FAM162B: variants seen among roughly 807,000 people sequenced by gnomAD.
FAM162B encodes protein FAM162B.
FAM162B carries 16 observed loss-of-function variants against 20.0 expected under a neutral mutation model. The observed-to-expected ratio is 0.80, with a 90% confidence interval of 0.54 to 1.21. The LOEUF (loss-of-function observed/expected upper bound fraction) is 1.21. FAM162B is among the 50% of genes most tolerant of loss of function. FAM162B has a pLI of 0.00. For synonymous variants in FAM162B, 83 were observed against 89.7 expected, an observed-to-expected ratio of 0.93 and a Z score of 0.42; for missense variants, 260 against 227.5, an observed-to-expected ratio of 1.14 and a Z score of -0.92.
At chr6:116,764,232 G>A (rs1771859773) in intron 2 of FAM162B, among the ~76,000 whole-genome samples, 1 of 151,992 alleles carries the variant, frequency 6.6e-6, no homozygotes, top group Admixed American at 6.6e-5. Context: ...ATTCTAATAG[G>A]CATTCATTAC....
At chr6:116,763,598 C>G (rs590572) in intron 2 of FAM162B, among the ~76,000 whole-genome samples, 1 of 151,788 alleles carries the variant, frequency 6.6e-6, no homozygotes, top group Non-Finnish European at 1.5e-5. Context: ...GGGGAAATTA[C>G]ATTATTTCTG....
intron 3 of FAM162B, among the ~76,000 whole-genome samples, chr6:116,753,257 A>C (rs1408712910): frequency 2.0e-5 from 3 of 152,100 alleles, no homozygotes; most frequent in Admixed American, 6.6e-5. Context: ...CCCCAAATTT[A>C]CCTGAACTTG....
At chr6:116,754,322 T>C (rs745696450) in intron 3 of FAM162B, among the ~76,000 whole-genome samples, 4 of 152,158 alleles carry the variant, frequency 2.6e-5, no homozygotes, top group Non-Finnish European at 5.9e-5. Context: ...GATTCAGCAC[T>C]GATTCGGCAG....
chr6:116,761,672 T>G (rs1386173261), intron 3 of FAM162B, among the ~76,000 whole-genome samples: 2 of 106,808 alleles, frequency 1.9e-5, no homozygotes, highest in African/African-American at 3.9e-5. Flanking sequence ...ATATATATAC[T>G]TATATATACA....
rs142664066 is a variant in FAM162B, at chr6:116,753,166, C to T, written c.391-471G>A. On this transcript the variant is annotated intron_variant, in intron 3 of 3. Transcript: ENST00000368557. ...CACCTACTTGCTAAAGTCAAAAAAACCCAGGCCTTTTCACTTCTTTATTCC... is the reference window on the plus strand; with the variant it reads ...CACCTACTTGCTAAAGTCAAAAAAATCCAGGCCTTTTCACTTCTTTATTCC... Among the ~76,000 whole-genome samples, 975 of 152,148 alleles carry T rather than the reference C, an allele frequency of 6.4e-3. 4 individuals are homozygous for T. The highest frequency in any genetic ancestry group is 0.016 in the South Asian group (75 of 4,816).
chr6:116,753,913 T>C (rs1428466028), intron 3 of FAM162B, among the ~76,000 whole-genome samples: 1 of 152,174 alleles, frequency 6.6e-6, no homozygotes, highest in African/African-American at 2.4e-5. Context: ...GTGAGTGTGG[T>C]ACCACGGAAA....
intron 1 of FAM162B, 70 bp downstream of exon 1, chr6:116,765,335 G>C (rs891371710): frequency 7.8e-6 from 12 of 1,546,404 alleles, no homozygotes; most frequent in Non-Finnish European, 8.7e-6. Flanking sequence ...GCCGACTCCC[G>C]GGCCGGCCCC....
Position 116,765,717 on chromosome 6 carries a change from C to G in FAM162B, c.-141G>C, listed in dbSNP as rs537654843. 152 of 990,262 alleles carry G rather than the reference C, an allele frequency of 1.5e-4. No homozygotes were observed. In the African/African-American group the frequency reaches 2.4e-3, roughly 16 times the overall value. 61.3% of individuals were successfully genotyped at this position (990,262 alleles called of 1,614,324 possible). On this transcript the variant is annotated 5_prime_UTR_variant, in exon 1 of 4. Transcript: ENST00000368557. ...AGCTGGAACCCCTGGCGCTCGCACA[C>G]TCAGCTCGCTATCCCCGTCTCCGCC... is the stretch of plus-strand genomic sequence containing the variant.
chr6:116,759,584 G>C (rs1273955324), intron 3 of FAM162B, among the ~76,000 whole-genome samples: 1 of 152,084 alleles, frequency 6.6e-6, no homozygotes, highest in Non-Finnish European at 1.5e-5. Context: ...TGGGATTACA[G>C]GCGTGAGCCA....
At chr6:116,763,972 A>G (rs749751109) in intron 2 of FAM162B, among the ~76,000 whole-genome samples, 2 of 152,174 alleles carry the variant, frequency 1.3e-5, no homozygotes, top group Non-Finnish European at 2.9e-5. Flanking sequence ...TTGAATAAAT[A>G]CTGAAAACGG....
intron 3 of FAM162B, among the ~76,000 whole-genome samples, chr6:116,761,507 T>C (rs909039436): frequency 5.3e-5 from 8 of 151,830 alleles, no homozygotes; most frequent in African/African-American, 1.2e-4. Context: ...ACGGTGTAAA[T>C]TGTTTTGTTT....
chr6:116,759,101 A>C (rs1031599366), intron 3 of FAM162B, among the ~76,000 whole-genome samples: 3 of 152,078 alleles, frequency 2.0e-5, no homozygotes, highest in Admixed American at 1.3e-4. Context: ...GACTTAGAGA[A>C]GTTCGCTCTC....
chr6:116,763,056 A>T (rs1406170355), intron 2 of FAM162B, among the ~76,000 whole-genome samples: 1 of 152,072 alleles, frequency 6.6e-6, no homozygotes, highest in South Asian at 2.1e-4. Flanking sequence ...TAAATTTTCC[A>T]CTGGTTAAAA....
At chr6:116,756,079 T>A (rs1780047889) in intron 3 of FAM162B, among the ~76,000 whole-genome samples, 2 of 152,184 alleles carry the variant, frequency 1.3e-5, no homozygotes, top group Non-Finnish European at 1.5e-5. Context: ...TCTTGTTATT[T>A]AAGAAACACA....
In FAM162B at chr6:116,765,451, G is replaced by C; in HGVS notation, c.126C>G (p.Cys42Trp). 6.9e-7 allele frequency: 1 copy of C among 1,443,654 alleles called. No homozygotes were observed. The highest frequency in any genetic ancestry group is 1.5e-5 in the African/African-American group (1 of 68,842). 89.4% of individuals were successfully genotyped at this position (1,443,654 alleles called of 1,614,324 possible). A position where few individuals can be genotyped will look rare whatever the true frequency, so the allele number is the denominator to read the frequency against. The stretch of plus-strand genomic sequence containing the variant: ...TGCTGGGGGCCCCGCCGCTGGAGTA[G>C]CAGGGGAGACCCCGGGGCGGAAGAG... ...APALPPRGLP[C>W]YSSGGAPSNS... Residue 42 changes from cysteine to tryptophan, a missense_variant, in exon 1 of 4, where the codon TGC becomes TGG. Transcript: ENST00000368557.
chr6:116,752,671 T>C lies in FAM162B; in HGVS notation c.415A>G (p.Thr139Ala), dbSNP rs779808676. The C allele has an allele frequency of 6.3e-7, 1 of 1,583,466 alleles. No homozygotes were observed. The change falls in exon 4 of 4, where the codon ACA (threonine) becomes GCA (alanine). Residue 139 changes from threonine (T) to alanine (A), a missense_variant. Thr to Ala is a moderately conservative substitution (Grantham distance 58). Coordinates refer to ENST00000368557, the MANE Select transcript of FAM162B (RefSeq NM_001085480.3). The part of the protein sequence containing the change: ...KRAVERHESL[T>A]SWNLAKKAKW... ...GCTTTCTTTGCCAAGTTCCAACTTG[T>C]TAAGGATTCATGTCGTTCTACAGCC... is the stretch of plus-strand genomic sequence containing the variant.
intron 3 of FAM162B, among the ~76,000 whole-genome samples, chr6:116,760,669 A>G (rs1780129919): frequency 6.6e-6 from 1 of 152,244 alleles, no homozygotes; most frequent in African/African-American, 2.4e-5. Flanking sequence ...TAAAAACAAA[A>G]TATTATCAAA....
At chr6:116,761,670 ACT>A (rs1282634245) in intron 3 of FAM162B, among the ~76,000 whole-genome samples, 2 of 140,556 alleles carry the variant, frequency 1.4e-5, no homozygotes, top group African/African-American at 2.6e-5. Flanking sequence ...TTATATATAT[ACT>A]TATATATACA....
chr6:116,761,413 G>A (rs1287041296), intron 3 of FAM162B, among the ~76,000 whole-genome samples: 1 of 151,896 alleles, frequency 6.6e-6, no homozygotes, highest in Non-Finnish European at 1.5e-5. Context: ...CTGTGCAATA[G>A]CTAATTGAGT....
Sources: allele counts gnomAD v4.1 joint callset (sites outside exome capture counted in the v4.1 genomes callset), GRCh38; gene constraint gnomAD v4.1.1; transcripts MANE v1.5; gene names NCBI Gene and HGNC (gene_info 2026-07-23, HGNC 2026-07-21).